Variants in MEMO1 observed in about 807,000 individuals in gnomAD.
MEMO1 encodes protein MEMO1.
In MEMO1, 6 loss-of-function variants were observed where a neutral mutation model predicts 45.2. The observed-to-expected ratio is 0.13, with a 90% CI of 0.07 to 0.26. The LOEUF is 0.26. MEMO1 is among the 10% of genes least tolerant of loss of function. The pLI is 1.00. For missense variants in MEMO1, 184 were observed against 370.5 expected, an observed-to-expected ratio of 0.50 and a Z score of 4.13; for synonymous variants, 78 against 124.3, an observed-to-expected ratio of 0.63 and a Z score of 2.48.
chr2:31,965,582 G>A (rs1208469498), intron 2 of MEMO1, among the ~76,000 whole-genome samples: 1 of 152,090 alleles, frequency 6.6e-6, no homozygotes, highest in Non-Finnish European at 1.5e-5. Flanking sequence ...AAATACCTGG[G>A]TATGTGACCT....
intron 7 of MEMO1, among the ~76,000 whole-genome samples, chr2:31,887,887 T>C (rs1394252367): frequency 6.6e-6 from 1 of 152,142 alleles, no homozygotes; most frequent in Admixed American, 6.6e-5. Context: ...AGAGTATGCA[T>C]GAATAATCAC....
intron 6 of MEMO1, among the ~76,000 whole-genome samples, chr2:31,913,003 G>A (rs1429982317): frequency 1.3e-5 from 2 of 151,976 alleles, no homozygotes; most frequent in Non-Finnish European, 2.9e-5. Flanking sequence ...ATGCAGCCAG[G>A]CATGGTGGCT....
chr2:31,931,591 T>C (rs1251491086), intron 4 of MEMO1, among the ~76,000 whole-genome samples: 1 of 152,142 alleles, frequency 6.6e-6, no homozygotes, highest in South Asian at 2.1e-4. Context: ...GTCATTGAAT[T>C]ATTAAGAGTT....
chr2:31,944,820 T>C (rs1666009461), intron 2 of MEMO1, among the ~76,000 whole-genome samples: 1 of 152,162 alleles, frequency 6.6e-6, no homozygotes, highest in Non-Finnish European at 1.5e-5. Context: ...CTGCTTGCCA[T>C]CCATTCTTTC....
intron 6 of MEMO1, among the ~76,000 whole-genome samples, chr2:31,900,702 C>T (rs570593531): frequency 6.6e-6 from 1 of 151,876 alleles, no homozygotes; most frequent in East Asian, 1.9e-4. Flanking sequence ...AAAAAAGTTG[C>T]TCAACATCAT....
chr2:31,973,678 C>A (rs1242829354), intron 2 of MEMO1, among the ~76,000 whole-genome samples: 2 of 152,026 alleles, frequency 1.3e-5, no homozygotes, highest in Non-Finnish European at 2.9e-5. Context: ...TGTGAATGAA[C>A]CTTGAAAGTG....
chr2:31,966,874 G>T (rs917052166), intron 2 of MEMO1, among the ~76,000 whole-genome samples: 10 of 151,852 alleles, frequency 6.6e-5, no homozygotes, highest in Non-Finnish European at 5.9e-5. Context: ...GATTATTCTG[G>T]GATGTCAAAT....
At chr2:31,982,977 G>A (rs1449593724) in intron 2 of MEMO1, among the ~76,000 whole-genome samples, 7 of 151,906 alleles carry the variant, frequency 4.6e-5, no homozygotes, top group Admixed American at 2.0e-4. Context: ...AGTGGCTCAC[G>A]CCTGTAATCC....
chr2:31,871,988 T>C (rs1161320352), intron 8 of MEMO1, among the ~76,000 whole-genome samples: 2 of 144,264 alleles, frequency 1.4e-5, no homozygotes, highest in East Asian at 4.2e-4. Context: ...CACTCCAGCC[T>C]GGGCGACAGA....
chr2:31,948,132 A>G (rs1666399166), intron 2 of MEMO1, among the ~76,000 whole-genome samples: 1 of 152,202 alleles, frequency 6.6e-6, no homozygotes, highest in East Asian at 1.9e-4. Flanking sequence ...ACCTGTCTAG[A>G]TCAACAGTTG....
chr2:31,911,830 G>T (rs1393130569), intron 6 of MEMO1, among the ~76,000 whole-genome samples: 1 of 151,958 alleles, frequency 6.6e-6, no homozygotes, highest in African/African-American at 2.4e-5. Flanking sequence ...TTTGGAGAAA[G>T]GGGACTCACT....
At chr2:31,929,637 C>T (rs1487142093) in intron 4 of MEMO1, among the ~76,000 whole-genome samples, 1 of 152,168 alleles carries the variant, frequency 6.6e-6, no homozygotes, top group Non-Finnish European at 1.5e-5. Flanking sequence ...TTTGTAATGC[C>T]TTTTAAAATC....
intron 6 of MEMO1, among the ~76,000 whole-genome samples, chr2:31,912,111 G>C (rs1483895510): frequency 6.6e-6 from 1 of 152,046 alleles, no homozygotes; most frequent in African/African-American, 2.4e-5. Flanking sequence ...AGGGCGGGTG[G>C]ATCACTTGAG....
At chr2:31,917,353 T>G (rs1177880757) in intron 6 of MEMO1, among the ~76,000 whole-genome samples, 1 of 152,180 alleles carries the variant, frequency 6.6e-6, no homozygotes, top group Admixed American at 6.6e-5. Context: ...AACTACTATG[T>G]GCTGGACACT....
At chr2:31,986,760 A>G (rs1671310056) in intron 2 of MEMO1, among the ~76,000 whole-genome samples, 5 of 152,222 alleles carry the variant, frequency 3.3e-5, no homozygotes, top group Admixed American at 3.3e-4. Context: ...AACACTATAA[A>G]AGAAACAAAC....
At chr2:31,983,268 T>A (rs576116536) in intron 2 of MEMO1, among the ~76,000 whole-genome samples, 24 of 151,856 alleles carry the variant, frequency 1.6e-4, no homozygotes, top group African/African-American at 3.6e-4. Context: ...CTAAAAAAAA[T>A]TTTTTTAAAT....
At chr2:31,967,192 C>T (rs905743654) in intron 2 of MEMO1, among the ~76,000 whole-genome samples, 1 of 150,540 alleles carries the variant, frequency 6.6e-6, no homozygotes, top group Admixed American at 6.6e-5. Context: ...GGCGCCATCT[C>T]GGCTCACTGC....
At chr2:31,969,997 A>C (rs1306879560) in intron 2 of MEMO1, among the ~76,000 whole-genome samples, 1 of 151,850 alleles carries the variant, frequency 6.6e-6, no homozygotes, top group African/African-American at 2.4e-5. Flanking sequence ...ACGGGGACAG[A>C]ATCTTGCTCT....
intron 2 of MEMO1, among the ~76,000 whole-genome samples, chr2:31,985,129 C>A (rs1671111491): frequency 6.6e-6 from 1 of 152,126 alleles, no homozygotes; most frequent in Non-Finnish European, 1.5e-5. Context: ...AAATTCCTCA[C>A]TAAATCCTGA....
Sources: allele counts gnomAD v4.1 joint callset (sites outside exome capture counted in the v4.1 genomes callset), GRCh38; gene constraint gnomAD v4.1.1; transcripts MANE v1.5; gene names NCBI Gene and HGNC (gene_info 2026-07-23, HGNC 2026-07-21).